The following TTF1 variants were observed in gnomAD, a reference collection of about 807,000 sequenced individuals.
TTF1 encodes transcription termination factor 1, also known as transcription termination factor, RNA polymerase I.
Under a neutral mutation model 80.2 loss-of-function variants are expected in TTF1, and 64 were observed. The ratio of observed to expected loss-of-function variants is 0.80; its 90% CI spans 0.65 to 0.98. TTF1 has a LOEUF of 0.98. Ranked by LOEUF, TTF1 falls within the 50% of genes least tolerant of loss-of-function variation. The pLI, the probability that TTF1 is intolerant of heterozygous loss-of-function variation, is 0.00. For synonymous variants in TTF1, 372 were observed against 382.7 expected, an observed-to-expected ratio of 0.97 and a Z score of 0.33; for missense variants, 1,023 against 1,086.2, an observed-to-expected ratio of 0.94 and a Z score of 0.82.
At chr9:132,393,124 T>C (rs1044587445) in intron 5 of TTF1, among the ~76,000 whole-genome samples, 1 of 152,246 alleles carries the variant, frequency 6.6e-6, no homozygotes, top group African/African-American at 2.4e-5. Context: ...TCGTATACTA[T>C]GTTATCCATA....
In TTF1 at chr9:132,386,548, G is replaced by A. The variant is rs779592905; in HGVS notation, c.2378+8C>T. 14 of 1,598,800 alleles carry A rather than the reference G, an allele frequency of 8.8e-6. No homozygotes were observed. Among genetic ancestry groups the A allele is most frequent in the Middle Eastern group, 1.6e-4 (1 of 6,066 alleles). On this transcript the variant is annotated splice_region_variant and intron_variant, in intron 9 of 10. Coordinates refer to ENST00000334270, the MANE Select transcript of TTF1 (RefSeq NM_007344.4). The stretch of plus-strand genomic sequence containing the variant: ...TTAATTAGTTTAATATTAAACAAAT[G>A]GTCTTACCCTATGGCACTAGCAAGA...
rs1176795555 is a variant in TTF1 at position 132,402,512 on chromosome 9, C to A, written c.310G>T (p.Val104Phe). 4.3e-6 allele frequency: 7 copies of A among 1,614,196 alleles called. No individual in the cohort carries two copies. The highest frequency in any genetic ancestry group is 1.7e-5 in the Admixed American group (1 of 60,034). The change falls in exon 2 of 11, where the codon GTT becomes TTT. Residue 104 changes from valine to phenylalanine, a missense_variant. Transcript: ENST00000334270. Reference sequence around the variant, plus strand: ...ATATTTTCTTTATCCACAAGGACAACTGTAACACCTGCTTCCTCGTCCACC... The same window carrying A: ...ATATTTTCTTTATCCACAAGGACAAATGTAACACCTGCTTCCTCGTCCACC... The part of the protein sequence containing the change: ...LEVDEEAGVT[V>F]VLVDKENINN...
intron 2 of TTF1, 89 bp from the exon 3 acceptor site, chr9:132,400,347 C>CA (rs1849737989): frequency 9.2e-7 from 1 of 1,084,826 alleles, no homozygotes; most frequent in Non-Finnish European, 1.4e-6. Context: ...TTTCGTGAGA[C>CA]AGAGGCTTGC....
At chr9:132,391,268 AC>A (rs1849553956) in intron 6 of TTF1, among the ~76,000 whole-genome samples, 1 of 152,186 alleles carries the variant, frequency 6.6e-6, no homozygotes. Flanking sequence ...TGATGAAGGC[AC>A]CTGAGAATTT....
chr9:132,387,948 T>C (rs932609110), intron 8 of TTF1, among the ~76,000 whole-genome samples, 191 bp downstream of exon 8: 1 of 152,232 alleles, frequency 6.6e-6, no homozygotes, highest in Non-Finnish European at 1.5e-5. Flanking sequence ...ATTATCGTCA[T>C]CCTCAGTAGA....
At chr9:132,388,011 T>G (rs1319340047) in intron 8 of TTF1, 128 bp downstream of exon 8, 2 of 631,440 alleles carry the variant, frequency 3.2e-6, no homozygotes, top group Non-Finnish European at 5.5e-6. Context: ...ATGCCCACAA[T>G]ACATGCGGAA....
intron 9 of TTF1, among the ~76,000 whole-genome samples, chr9:132,386,187 G>T (rs1030915839): frequency 6.6e-6 from 1 of 152,110 alleles, no homozygotes; most frequent in African/African-American, 2.4e-5. Context: ...GGAGGGAGGT[G>T]GGTGGGCCAT....
chr9:132,376,090 G>C lies in TTF1; in HGVS notation c.2543C>G (p.Thr848Ser). The C allele has an allele frequency of 6.2e-7, 1 of 1,614,198 alleles. No individual in the cohort carries two copies. The highest frequency in any genetic ancestry group is 8.5e-7 in the Non-Finnish European group (1 of 1,180,030). Residue 848 changes from threonine (T) to serine (S), a missense_variant, in exon 11 of 11, where the codon ACT becomes AGT. Physicochemically the swap from Thr to Ser is moderately conservative, Grantham distance 58 (BLOSUM62 1). Coordinates refer to ENST00000334270, the MANE Select transcript of TTF1 (RefSeq NM_007344.4). ...GGGTGCTGCAGGAGTCTGGATTTTA[G>C]TGCCTTTTTTCTCCATCATTTTTTC... is the stretch of plus-strand genomic sequence containing the variant. ...KLEKMMEKKG[T>S]KIQTPAAPKQ...
intron 9 of TTF1, among the ~76,000 whole-genome samples, chr9:132,382,070 T>C (rs1849379129): frequency 6.6e-6 from 1 of 152,198 alleles, no homozygotes; most frequent in Admixed American, 6.5e-5. Context: ...GGGCCTGTGC[T>C]CTGCAGCCCA....
In TTF1 at chr9:132,391,377, C is replaced by A. The variant is rs551926089; in HGVS notation, c.1988-546G>T. Among the ~76,000 whole-genome samples the A allele has an allele frequency of 1.0e-4, 15 of 146,288 alleles. No homozygotes were observed. In the South Asian group the frequency reaches 3.2e-3, roughly 31 times the overall value. ...GTCACGCTAAGTAAGGAGCGTCACA[C>A]TGGCAGCTGTTTGGCTGTGCTTTTG... On this transcript the variant is annotated intron_variant, in intron 6 of 10. Coordinates refer to ENST00000334270, the MANE Select transcript of TTF1 (RefSeq NM_007344.4).
At chr9:132,386,643 A>C (rs772613041) in intron 8 of TTF1, 22 bp from the exon 9 acceptor site, 1 of 1,592,674 alleles carries the variant, frequency 6.3e-7, no homozygotes, top group Non-Finnish European at 8.6e-7. Flanking sequence ...AATAAAAATT[A>C]AATTTTCAAG....
At position 132,383,664 on chromosome 9, in the gene TTF1, G is replaced by A. The variant is rs1050578572; in HGVS notation, c.2378+2892C>T. ...TCATTTGCCTTTCTTGGGTGTCTTC[G>A]GTGGCAGGTGGGCTGGAGGGAGGGC... is the stretch of plus-strand genomic sequence containing the variant. On this transcript the variant is annotated intron_variant, in intron 9 of 10. Transcript: ENST00000334270. Among the ~76,000 whole-genome samples, 11 of 152,214 alleles carry A rather than the reference G, an allele frequency of 7.2e-5. No homozygotes were observed. In the East Asian group the frequency reaches 1.5e-3, roughly 21 times the overall value.
intron 2 of TTF1, 25 bp downstream of exon 2, chr9:132,401,430 A>G: frequency 3.2e-6 from 5 of 1,572,626 alleles, no homozygotes; most frequent in Non-Finnish European, 4.3e-6. Context: ...ATATACCAGC[A>G]GCTGGAATAC....
At chr9:132,402,883 T>C in intron 1 of TTF1, 55 bp from the exon 2 acceptor site, 1 of 1,491,344 alleles carries the variant, frequency 6.7e-7, no homozygotes, top group Non-Finnish European at 8.9e-7. Context: ...TGAGACGGAG[T>C]CTCACTCTGT....
chr9:132,378,438 A>G (rs796401303), intron 10 of TTF1, among the ~76,000 whole-genome samples: 1,209 of 33,180 alleles, frequency 0.036, 57 homozygotes, highest in Middle Eastern at 0.12. Context: ...TGGTGTGTGA[A>G]TGCATGTGGT....
rs138978318 is a variant in TTF1, at chr9:132,402,065, A to G, written c.757T>C (p.Ser253Pro). The G allele has an allele frequency of 5.8e-4, 928 of 1,613,840 alleles. 2 individuals are homozygous for G. In the African/African-American group the frequency reaches 0.011, roughly 20 times the overall value. ...TCATCCAAGCCCACAGTAGGCTGGG[A>G]TTCCTGCATATCAGTCCCGGCCTCT... ...GREAGTDMQE[S>P]QPTVGLDDET... Residue 253 changes from serine (S) to proline (P), a missense_variant, in exon 2 of 11, where the codon TCC (serine) becomes CCC (proline). Transcript: ENST00000334270.
In TTF1 at chr9:132,402,129, A is replaced by G. The variant is rs1470037564; in HGVS notation, c.693T>C (p.Tyr231=). Residue 231 remains tyrosine, a synonymous_variant, in exon 2 of 11, where the codon TAT becomes TAC. Coordinates refer to ENST00000334270, the MANE Select transcript of TTF1 (RefSeq NM_007344.4). ...ATCCTTCAGGCATGGCCAGTGTCTC[A>G]TATTCCCGGTTACTGGACTTTTTCT... ...KKKKKSSNRE[Y]ETLAMPEGSQ... 6.2e-7 allele frequency: 1 copy of G among 1,613,826 alleles called. No homozygotes were observed. Among genetic ancestry groups the G allele is most frequent in the Admixed American group, 1.7e-5 (1 of 59,964 alleles).
intron 5 of TTF1, among the ~76,000 whole-genome samples, chr9:132,392,585 T>TCC (rs200058654): frequency 7.0e-5 from 10 of 143,656 alleles, no homozygotes; most frequent in African/African-American, 2.5e-4. Context: ...TAGCCTGAAG[T>TCC]CCCCGTTGAT....
chr9:132,387,782 G>A (rs1849495685), intron 8 of TTF1, among the ~76,000 whole-genome samples: 1 of 152,202 alleles, frequency 6.6e-6, no homozygotes, highest in South Asian at 2.1e-4. Context: ...TGGAGCACAG[G>A]AGGGCTCTGC....
Sources: gnomAD v4.1 joint callset for allele counts (sites outside exome capture counted in the v4.1 genomes callset) on GRCh38, gnomAD v4.1.1 for gene constraint, MANE v1.5 for transcripts, NCBI Gene and HGNC (gene_info 2026-07-23, HGNC 2026-07-21) for gene names.